The following TNNI3K variants were observed in gnomAD, a reference collection of about 807,000 sequenced individuals.
TNNI3K encodes the protein serine/threonine-protein kinase TNNI3K.
In TNNI3K, 140 loss-of-function variants were observed where a neutral mutation model predicts 114.5. The ratio of observed to expected loss-of-function variants is 1.22; its 90% CI spans 1.07 to 1.41. The LOEUF is 1.41. TNNI3K is among the 40% of genes most tolerant of loss of function. The probability of loss-of-function intolerance (pLI) is 0.00; values close to 1 mark genes in which losing one functional copy is unlikely to be tolerated. For missense variants in TNNI3K, 1,125 were observed against 1,007.6 expected (o/e 1.12, Z -1.58); for synonymous variants, 347 against 347.5 (o/e 1.00, Z 0.02).
intron 17 of TNNI3K, among the ~76,000 whole-genome samples, chr1:74,423,796 TC>T (rs1357904321): frequency 2.6e-5 from 4 of 152,154 alleles, no homozygotes; most frequent in Non-Finnish European, 2.9e-5. Flanking sequence ...TCCTCCTTCT[TC>T]ATATGTAAAA....
intron 3 of TNNI3K, among the ~76,000 whole-genome samples, chr1:74,249,807 C>A (rs1161591778): frequency 1.3e-5 from 2 of 152,112 alleles, no homozygotes; most frequent in African/African-American, 4.8e-5. Context: ...AAGCACTTTT[C>A]AATATTGGGC....
At chr1:74,317,223 G>A (rs193183562) in intron 5 of TNNI3K, among the ~76,000 whole-genome samples, 1 of 152,292 alleles carries the variant, frequency 6.6e-6, no homozygotes, top group African/African-American at 2.4e-5. Flanking sequence ...ATGGAGGTTG[G>A]AAGAGAATCA....
chr1:74,475,578 T>TAA (rs1263379708), intron 21 of TNNI3K: 1 of 717,306 alleles, frequency 1.4e-6, no homozygotes, highest in Non-Finnish European at 2.6e-6. Flanking sequence ...TATTTTCCTG[T>TAA]AAAAGTGGCA....
chr1:74,279,223 C>T (rs1385113787), intron 5 of TNNI3K, among the ~76,000 whole-genome samples: 1 of 152,168 alleles, frequency 6.6e-6, no homozygotes, highest in East Asian at 1.9e-4. Flanking sequence ...GACAAGGCCC[C>T]TACTCCAGAC....
At chr1:74,316,899 C>T (rs792320) in intron 5 of TNNI3K, among the ~76,000 whole-genome samples, 23,680 of 150,588 alleles carry the variant, frequency 0.16, 1,940 homozygotes, top group South Asian at 0.21. Flanking sequence ...CAGGGTTTCA[C>T]CATGATAGCC....
chr1:74,537,498 G>C (rs1204022655), intron 23 of TNNI3K, among the ~76,000 whole-genome samples: 1 of 152,174 alleles, frequency 6.6e-6, no homozygotes, highest in African/African-American at 2.4e-5. Context: ...GAATTAATCA[G>C]TGTGAACTGA....
At chr1:74,249,296 T>G (rs1381707329) in intron 2 of TNNI3K, among the ~76,000 whole-genome samples, 163 bp from the exon 3 acceptor site, 1 of 152,078 alleles carries the variant, frequency 6.6e-6, no homozygotes, top group Non-Finnish European at 1.5e-5. Flanking sequence ...CAATTTTAAT[T>G]CTTCATATAG....
At chr1:74,445,598 A>AT (rs1437278749) in intron 20 of TNNI3K, among the ~76,000 whole-genome samples, 2 of 142,790 alleles carry the variant, frequency 1.4e-5, no homozygotes, top group African/African-American at 5.3e-5. Context: ...TATGTTCCAC[A>AT]TTTTCTTTTT....
chr1:74,304,420 T>C (rs1658502166), intron 5 of TNNI3K, among the ~76,000 whole-genome samples: 1 of 152,128 alleles, frequency 6.6e-6, no homozygotes, highest in African/African-American at 2.4e-5. Flanking sequence ...TTTTTAAATT[T>C]TTTAGCAATA....
At chr1:74,507,914 T>C (rs571475678) in intron 23 of TNNI3K, among the ~76,000 whole-genome samples, 3 of 152,308 alleles carry the variant, frequency 2.0e-5, no homozygotes, top group African/African-American at 4.8e-5. Context: ...ATTTGCAGAG[T>C]CCCTATATTG....
rs148184992 is a variant in TNNI3K, at chr1:74,271,700, C to T, written c.436C>T (p.His146Tyr). Residue 146 changes from histidine (H) to tyrosine (Y), a missense_variant, in exon 5 of 25, where the codon CAC becomes TAC. Coordinates refer to ENST00000326637, the MANE Select transcript of TNNI3K (RefSeq NM_015978.3). Reference protein sequence around the residue: ...TALHIATIAGHLEAADVLLQH... With the variant: ...TALHIATIAGYLEAADVLLQH... ...CCTCCATATTGCTACAATAGCTGGC[C>T]ACCTAGAGGTAAGTCATGCCTTTGG... 6.2e-7 allele frequency: 1 copy of T among 1,605,656 alleles called. No individual in the cohort carries two copies. The highest frequency in any genetic ancestry group is 1.3e-5 in the African/African-American group (1 of 74,566).
intron 17 of TNNI3K, among the ~76,000 whole-genome samples, chr1:74,392,154 C>G (rs1331665261): frequency 2.0e-5 from 3 of 151,896 alleles, no homozygotes; most frequent in Admixed American, 2.0e-4. Context: ...ATATTTTCCA[C>G]TTATAATAAG....
chr1:74,519,663 TA>T (rs1219278649), intron 23 of TNNI3K, among the ~76,000 whole-genome samples: 3 of 152,218 alleles, frequency 2.0e-5, no homozygotes, highest in African/African-American at 7.2e-5. Flanking sequence ...ATCTTTTTTA[TA>T]AAGTAAATAG....
intron 4 of TNNI3K, among the ~76,000 whole-genome samples, chr1:74,259,168 A>T (rs1655516439): frequency 6.6e-6 from 1 of 152,202 alleles, no homozygotes; most frequent in African/African-American, 2.4e-5. Context: ...CATATTTATT[A>T]TAGGAACTGG....
chr1:74,382,972 A>G (rs898424608), intron 17 of TNNI3K, among the ~76,000 whole-genome samples: 2 of 152,054 alleles, frequency 1.3e-5, no homozygotes, highest in African/African-American at 2.4e-5. Flanking sequence ...TTTCCTGTCC[A>G]TGGTCTCTGA....
chr1:74,465,867 C>A (rs952824238), intron 21 of TNNI3K, among the ~76,000 whole-genome samples: 1 of 152,134 alleles, frequency 6.6e-6, no homozygotes, highest in African/African-American at 2.4e-5. Context: ...GTAAAATGGA[C>A]CAATCAGCAG....
chr1:74,252,244 C>T (rs1654974213), intron 4 of TNNI3K, among the ~76,000 whole-genome samples: 1 of 152,116 alleles, frequency 6.6e-6, no homozygotes, highest in African/African-American at 2.4e-5. Context: ...AATTAAATTT[C>T]CACTTTTAGA....
intron 9 of TNNI3K, among the ~76,000 whole-genome samples, chr1:74,348,304 T>C (rs1394277262): frequency 1.3e-5 from 2 of 152,210 alleles, no homozygotes; most frequent in Admixed American, 1.3e-4. Context: ...GATCAGATAG[T>C]TGTAGATAAG....
At chr1:74,394,544 C>T (rs1663971311) in intron 17 of TNNI3K, among the ~76,000 whole-genome samples, 1 of 152,126 alleles carries the variant, frequency 6.6e-6, no homozygotes, top group Non-Finnish European at 1.5e-5. Context: ...TCAGCAACCC[C>T]CTTTCCCCCC....
Sources: gnomAD v4.1 joint callset for allele counts (sites outside exome capture counted in the v4.1 genomes callset) on GRCh38, gnomAD v4.1.1 for gene constraint, MANE v1.5 for transcripts, NCBI Gene and HGNC (gene_info 2026-07-23, HGNC 2026-07-21) for gene names.